TENM1: variants seen among roughly 807,000 people sequenced by gnomAD.
TENM1 encodes the protein teneurin-1.
Under a neutral mutation model 174.8 loss-of-function variants are expected in TENM1, and 35 were observed. The observed-to-expected ratio is 0.20, with a 90% confidence interval of 0.15 to 0.27. The LOEUF (loss-of-function observed/expected upper bound fraction) is 0.27. TENM1 is among the 10% of genes least tolerant of loss of function. The pLI, the probability that TENM1 is intolerant of heterozygous loss-of-function variation, is 1.00. For synonymous variants in TENM1, 781 were observed against 798.7 expected, an observed-to-expected ratio of 0.98 and a Z score of 0.37; for missense variants, 1,633 against 2,130.1, an observed-to-expected ratio of 0.77 and a Z score of 4.59.
chrX:125,083,375 G>C, the TENM1 span, among the ~76,000 whole-genome samples: 3 of 109,945 alleles, frequency 2.7e-5, no homozygotes, highest in Non-Finnish European at 5.7e-5. Flanking sequence ...GAGCTTCTGG[G>C]GTCTAGATTC....
chrX:124,525,795 A>C (rs930585702), intron 16 of TENM1, among the ~76,000 whole-genome samples: 2 of 111,779 alleles, frequency 1.8e-5, no homozygotes, highest in African/African-American at 6.5e-5. Context: ...TCTCGTTAGT[A>C]AAATGAAGCC....
chrX:124,905,698 G>A (rs545246479), intron 1 of TENM1, among the ~76,000 whole-genome samples: 95 of 111,521 alleles, frequency 8.5e-4, no homozygotes, highest in Non-Finnish European at 1.6e-3. Flanking sequence ...CTGGTAGTGC[G>A]GGAAGGCCAA....
intron 15 of TENM1, among the ~76,000 whole-genome samples, chrX:124,540,448 G>A (rs185452268): frequency 1.2e-3 from 139 of 111,756 alleles, no homozygotes; most frequent in African/African-American, 4.1e-3. Flanking sequence ...GTCAATTATG[G>A]TTATTCTTAA....
At chrX:125,012,274 C>G in the TENM1 span, among the ~76,000 whole-genome samples, 1 of 111,584 alleles carries the variant, frequency 9.0e-6, no homozygotes, top group East Asian at 2.8e-4. Context: ...ATAGGTACAG[C>G]AAACCACCAT....
At chrX:125,027,521 A>G in the TENM1 span, among the ~76,000 whole-genome samples, 1 of 112,354 alleles carries the variant, frequency 8.9e-6, no homozygotes, top group Non-Finnish European at 1.9e-5. Flanking sequence ...CCAAAGGCAT[A>G]AGAAACAAAC....
At chrX:125,162,617 A>G in the TENM1 span, among the ~76,000 whole-genome samples, 2 of 111,479 alleles carry the variant, frequency 1.8e-5, no homozygotes, top group East Asian at 2.8e-4. Flanking sequence ...TAACATTTTC[A>G]TTGGCTACTC....
chrX:124,730,629 G>A (rs2053544403), intron 4 of TENM1, among the ~76,000 whole-genome samples: 2 of 111,907 alleles, frequency 1.8e-5, no homozygotes, highest in South Asian at 7.6e-4. Context: ...GTAAACATGA[G>A]TGATTTCAAC....
At chrX:124,489,814 T>A (rs995814403) in intron 20 of TENM1, among the ~76,000 whole-genome samples, 16 of 111,525 alleles carry the variant, frequency 1.4e-4, no homozygotes. Flanking sequence ...CTTCTTTTCA[T>A]ATTCCTGGCC....
intron 3 of TENM1, among the ~76,000 whole-genome samples, chrX:124,787,617 G>T (rs1183121565): frequency 9.0e-6 from 1 of 111,654 alleles, no homozygotes. Context: ...ATTGAAATTT[G>T]CCTGTTTGGG....
intron 4 of TENM1, among the ~76,000 whole-genome samples, chrX:124,705,492 C>T (rs1238879104): frequency 1.8e-5 from 2 of 110,349 alleles, no homozygotes; most frequent in Non-Finnish European, 3.8e-5. Context: ...TTGTGTTCCC[C>T]GATTTGCTGG....
the TENM1 span, among the ~76,000 whole-genome samples, chrX:124,977,946 GT>G: frequency 0.029 from 1,320 of 45,607 alleles, 25 homozygotes; most frequent in African/African-American, 0.11. Flanking sequence ...TTTAGTGTGT[GT>G]GTGTGTGTGT....
chrX:124,892,402 G>T (rs1200968728), intron 3 of TENM1, among the ~76,000 whole-genome samples: 1 of 111,430 alleles, frequency 9.0e-6, no homozygotes, highest in Non-Finnish European at 1.9e-5. Context: ...GTTATAAAAT[G>T]TCAGAGACAT....
intron 15 of TENM1, among the ~76,000 whole-genome samples, chrX:124,531,284 T>C (rs2048101537): frequency 9.1e-6 from 1 of 109,739 alleles, no homozygotes; most frequent in African/African-American, 3.3e-5. Flanking sequence ...TTTAACAGAA[T>C]CAGAAAGTAA....
chrX:124,703,590 T>C (rs1371995436), intron 5 of TENM1, among the ~76,000 whole-genome samples: 2 of 112,150 alleles, frequency 1.8e-5, no homozygotes, highest in African/African-American at 6.5e-5. Context: ...ATAACCCATA[T>C]AAAAGTTTAT....
chrX:124,943,931 C>A (rs2058365745), intron 1 of TENM1, among the ~76,000 whole-genome samples: 1 of 111,816 alleles, frequency 8.9e-6, no homozygotes, highest in Non-Finnish European at 1.9e-5. Flanking sequence ...AGCATTGCTT[C>A]TTTAGAATTA....
chrX:125,097,060 T>C, the TENM1 span, among the ~76,000 whole-genome samples: 15,172 of 110,035 alleles, frequency 0.14, 1,134 homozygotes, highest in African/African-American at 0.28. Context: ...CATGTAACAG[T>C]GCAGCCTTGT....
At chrX:124,975,126 C>A in the TENM1 span, among the ~76,000 whole-genome samples, 4 of 108,442 alleles carry the variant, frequency 3.7e-5, no homozygotes, top group African/African-American at 1.3e-4. Flanking sequence ...CTCCATCACA[C>A]CCTTTCTTTT....
chrX:124,877,635 C>A (rs1212093193), intron 3 of TENM1, among the ~76,000 whole-genome samples: 1 of 111,472 alleles, frequency 9.0e-6, no homozygotes, highest in African/African-American at 3.3e-5. Context: ...CAATTTGAGG[C>A]ATTCACAGAC....
At chrX:124,795,920 G>A (rs1284604820) in intron 3 of TENM1, among the ~76,000 whole-genome samples, 2 of 110,701 alleles carry the variant, frequency 1.8e-5, no homozygotes, top group Non-Finnish European at 3.8e-5. Context: ...TTGATTATAG[G>A]CACTTTCCTT....
Sources: allele counts gnomAD v4.1 joint callset (sites outside exome capture counted in the v4.1 genomes callset), GRCh38; gene constraint gnomAD v4.1.1; transcripts MANE v1.5; gene names NCBI Gene and HGNC (gene_info 2026-07-23, HGNC 2026-07-21).